KCNIP1: variants seen among roughly 807,000 people sequenced by gnomAD.
The protein encoded by KCNIP1 is A-type potassium channel modulatory protein KCNIP1.
KCNIP1 carries 18 observed loss-of-function variants against 33.0 expected under a neutral mutation model. The ratio of observed to expected loss-of-function variants is 0.55; its 90% CI spans 0.38 to 0.81. The LOEUF (loss-of-function observed/expected upper bound fraction) is 0.81, where lower values mean the gene tolerates loss of function less well. KCNIP1 is among the 30% of genes least tolerant of loss of function. KCNIP1 has a pLI of 0.00. For missense variants in KCNIP1, 238 were observed against 271.6 expected (o/e 0.88, Z 0.87); for synonymous variants, 93 against 98.3 (o/e 0.95, Z 0.32).
At chr5:170,437,393 C>G (rs780691589) in intron 1 of KCNIP1, among the ~76,000 whole-genome samples, 9 of 152,236 alleles carry the variant, frequency 5.9e-5, no homozygotes, top group Non-Finnish European at 1.2e-4. Flanking sequence ...TCCCTCACAA[C>G]CATGGCTGTC....
At chr5:170,556,401 C>G (rs1176223907) in intron 1 of KCNIP1, among the ~76,000 whole-genome samples, 1 of 152,234 alleles carries the variant, frequency 6.6e-6, no homozygotes, top group Non-Finnish European at 1.5e-5. Context: ...TCAGGAGATT[C>G]CTGGAGTCCT....
intron 5 of KCNIP1, among the ~76,000 whole-genome samples, chr5:170,727,970 G>A (rs1342460145): frequency 6.6e-6 from 1 of 152,012 alleles, no homozygotes; most frequent in Non-Finnish European, 1.5e-5. Flanking sequence ...ATAAAGAAAT[G>A]CACATGACTA....
chr5:170,539,533 G>A (rs556325093), intron 1 of KCNIP1, among the ~76,000 whole-genome samples: 74 of 152,270 alleles, frequency 4.9e-4, no homozygotes, highest in Non-Finnish European at 7.2e-4. Context: ...CTTCCTGGCC[G>A]TTCTGCCTGA....
At chr5:170,450,721 T>C (rs1756229006) in intron 1 of KCNIP1, among the ~76,000 whole-genome samples, 1 of 152,104 alleles carries the variant, frequency 6.6e-6, no homozygotes, top group Non-Finnish European at 1.5e-5. Context: ...GTTTCCCCCT[T>C]CTCTTTCTCT....
intron 1 of KCNIP1, among the ~76,000 whole-genome samples, chr5:170,542,141 G>A (rs371695244): frequency 1.3e-5 from 2 of 152,220 alleles, no homozygotes; most frequent in East Asian, 3.8e-4. Flanking sequence ...ACACTGAACT[G>A]AGGACCTGAC....
Position 170,710,088 on chromosome 5 carries a change from G to C in KCNIP1, c.62-8670G>C, listed in dbSNP as rs577394853. 2.6e-5 allele frequency among the ~76,000 whole-genome samples: 4 copies of C among 152,188 alleles called. No individual in the cohort carries two copies. In the South Asian group the frequency reaches 6.2e-4, roughly 24 times the overall value. On this transcript the variant is annotated intron_variant, in intron 1 of 7. Coordinates refer to ENST00000328939, the MANE Select transcript of KCNIP1 (RefSeq NM_014592.4). Reference sequence around the variant, plus strand: ...TCCCCATGTTGGCCAGGTTGGTCTCGAACTCCTGACCTCAAGTGATCCCCC... The same window carrying C: ...TCCCCATGTTGGCCAGGTTGGTCTCCAACTCCTGACCTCAAGTGATCCCCC...
intron 1 of KCNIP1, among the ~76,000 whole-genome samples, chr5:170,506,110 G>A (rs1052337706): frequency 1.3e-5 from 2 of 152,278 alleles, no homozygotes; most frequent in African/African-American, 2.4e-5. Flanking sequence ...GAGGCCAGGG[G>A]ACTGTGGGGA....
At chr5:170,648,006 G>A (rs1760860163) in intron 1 of KCNIP1, among the ~76,000 whole-genome samples, 1 of 152,118 alleles carries the variant, frequency 6.6e-6, no homozygotes, top group Non-Finnish European at 1.5e-5. Context: ...ATATACAGAT[G>A]GCAAGTAAGC....
At chr5:170,578,291 T>A (rs536941567) in intron 1 of KCNIP1, among the ~76,000 whole-genome samples, 1 of 152,124 alleles carries the variant, frequency 6.6e-6, no homozygotes, top group South Asian at 2.1e-4. Context: ...GGTTCAGAGA[T>A]CATTGAATGA....
intron 1 of KCNIP1, among the ~76,000 whole-genome samples, chr5:170,675,883 C>T (rs1762113699): frequency 6.6e-6 from 1 of 152,046 alleles, no homozygotes; most frequent in African/African-American, 2.4e-5. Context: ...CTGCAACACG[C>T]AAATAGATGT....
In KCNIP1 at chr5:170,564,753, C is replaced by T. The variant is rs1757148442; in HGVS notation, c.61+60120C>T. On this transcript the variant is annotated intron_variant, in intron 1 of 7. Transcript: ENST00000328939. ...GTCAATTTTTTTTTATTTTATGAAA[C>T]TTTTTTTCTGTTTACACTCTTGCAG... 3.3e-5 allele frequency among the ~76,000 whole-genome samples: 5 copies of T among 152,134 alleles called. No homozygotes were observed. In the South Asian group the frequency reaches 1.0e-3, roughly 31 times the overall value.
At chr5:170,670,667 T>G (rs145423616) in intron 1 of KCNIP1, among the ~76,000 whole-genome samples, 37 of 152,120 alleles carry the variant, frequency 2.4e-4, no homozygotes, top group African/African-American at 6.7e-4. Context: ...CTGAAGCGGG[T>G]GGACCGCCTG....
chr5:170,372,759 G>T (rs929978357), intron 1 of KCNIP1, among the ~76,000 whole-genome samples: 1 of 152,200 alleles, frequency 6.6e-6, no homozygotes, highest in African/African-American at 2.4e-5. Flanking sequence ...AATCAAAGGG[G>T]AGTTGAGTAA....
intron 1 of KCNIP1, among the ~76,000 whole-genome samples, chr5:170,631,149 G>A (rs951162648): frequency 5.3e-5 from 8 of 152,182 alleles, no homozygotes; most frequent in Admixed American, 2.6e-4. Flanking sequence ...CAATGGCTGC[G>A]AAATTGCCTG....
Position 170,718,789 on chromosome 5 carries a change from G to T in KCNIP1, c.93G>T (p.Met31Ile), listed in dbSNP as rs1252425933. The T allele has an allele frequency of 1.9e-6, 3 of 1,613,188 alleles. No homozygotes were observed. The highest frequency in any genetic ancestry group is 1.7e-5 in the Admixed American group (1 of 59,850). Residue 31 changes from methionine to isoleucine, a missense_variant, in exon 2 of 8, where the codon ATG (methionine) becomes ATT (isoleucine). Coordinates refer to ENST00000328939, the MANE Select transcript of KCNIP1 (RefSeq NM_014592.4). ...TTGAAGATGAGCTGGAGATGACCAT[G>T]GTTTGCCATCGGCCCGAGGGACTGG... The part of the protein sequence containing the change: ...DKIEDELEMT[M>I]VCHRPEGLEQ...
rs971922033 is a variant in KCNIP1 at position 170,703,539 on chromosome 5, G to A, written c.62-15219G>A. On this transcript the variant is annotated intron_variant, in intron 1 of 7. Transcript: ENST00000328939. ...TGTAATTCCAGTGCTTTAAGAGGCC[G>A]AGGCAGGAGGATCACTTGAGGCCAG... Among the ~76,000 whole-genome samples, 7 of 137,462 alleles carry A rather than the reference G, an allele frequency of 5.1e-5. 2 individuals carry two copies. The highest frequency in any genetic ancestry group is 1.3e-4 in the African/African-American group (5 of 37,442). The allele number at this position is 137,462 out of a possible 152,430, so 90.2% of individuals were successfully genotyped here. A position where few individuals can be genotyped will look rare whatever the true frequency, so the allele number is the denominator to read the frequency against.
At chr5:170,625,635 C>A (rs1245013203) in intron 1 of KCNIP1, among the ~76,000 whole-genome samples, 1 of 152,138 alleles carries the variant, frequency 6.6e-6, no homozygotes, top group East Asian at 1.9e-4. Context: ...TCCCACTTTC[C>A]CTCGGCTAGT....
intron 1 of KCNIP1, among the ~76,000 whole-genome samples, chr5:170,437,301 GAGA>G (rs1755888776): frequency 6.6e-6 from 1 of 152,276 alleles, no homozygotes; most frequent in South Asian, 2.1e-4. Flanking sequence ...AGAAGGGCAG[GAGA>G]AGGTCAGAGA....
intron 1 of KCNIP1, among the ~76,000 whole-genome samples, chr5:170,692,236 C>T (rs1255262678): frequency 6.6e-6 from 1 of 152,126 alleles, no homozygotes; most frequent in African/African-American, 2.4e-5. Context: ...CCTAAGGTAC[C>T]ACCACGGCCA....
Sources: gnomAD v4.1 joint callset for allele counts (sites outside exome capture counted in the v4.1 genomes callset) on GRCh38, gnomAD v4.1.1 for gene constraint, MANE v1.5 for transcripts, NCBI Gene and HGNC (gene_info 2026-07-23, HGNC 2026-07-21) for gene names.